Variants in CLSTN2 observed in about 807,000 individuals in gnomAD.
The protein encoded by CLSTN2 is calsyntenin-2.
Under a neutral mutation model 101.2 loss-of-function variants are expected in CLSTN2, and 48 were observed. That is an observed-to-expected ratio of 0.47 (90% CI 0.38 to 0.60). CLSTN2 has a LOEUF of 0.60. Among genes scored for constraint, CLSTN2 ranks in the 20% least tolerant of loss-of-function variants. CLSTN2 has a pLI of 0.00. For missense variants in CLSTN2, 1,160 were observed against 1,238.2 expected (o/e 0.94, Z 0.95); for synonymous variants, 481 against 463.6 (o/e 1.04, Z -0.48).
chr3:139,960,610 T>C (rs911731400), intron 1 of CLSTN2, among the ~76,000 whole-genome samples: 11 of 152,232 alleles, frequency 7.2e-5, no homozygotes, highest in Non-Finnish European at 1.3e-4. Flanking sequence ...CCTTTCCTTC[T>C]CTGCCTTCCA....
At chr3:140,112,782 C>A (rs1399474102) in intron 1 of CLSTN2, among the ~76,000 whole-genome samples, 1 of 152,074 alleles carries the variant, frequency 6.6e-6, no homozygotes, top group Admixed American at 6.5e-5. Flanking sequence ...GAGCTCTAGG[C>A]AAATCCTGCT....
intron 8 of CLSTN2, among the ~76,000 whole-genome samples, chr3:140,504,336 A>C (rs1934641810): frequency 6.6e-6 from 1 of 151,900 alleles, no homozygotes; most frequent in Non-Finnish European, 1.5e-5. Context: ...CTAATATTAT[A>C]TACGATTCAA....
chr3:140,240,765 G>A (rs2086460702), intron 2 of CLSTN2, among the ~76,000 whole-genome samples: 1 of 152,202 alleles, frequency 6.6e-6, no homozygotes, highest in Admixed American at 6.5e-5. Flanking sequence ...AACTTTGAGA[G>A]ACTGAAGCAA....
At chr3:140,451,973 G>A (rs1381648227) in intron 6 of CLSTN2, among the ~76,000 whole-genome samples, 4 of 152,170 alleles carry the variant, frequency 2.6e-5, no homozygotes, top group African/African-American at 9.7e-5. Flanking sequence ...GGAATGGCAG[G>A]AAAAATGAAT....
At chr3:140,161,362 C>T (rs1423123469) in intron 1 of CLSTN2, among the ~76,000 whole-genome samples, 1 of 152,096 alleles carries the variant, frequency 6.6e-6, no homozygotes, top group Non-Finnish European at 1.5e-5. Context: ...ATTTTTATGG[C>T]AGTTTCTCCA....
chr3:140,096,957 C>G (rs77034187), intron 1 of CLSTN2, among the ~76,000 whole-genome samples: 3,392 of 152,266 alleles, frequency 0.022, 137 homozygotes, highest in African/African-American at 0.076. Flanking sequence ...GCCATTAACT[C>G]TGAGTGGGCA....
intron 2 of CLSTN2, among the ~76,000 whole-genome samples, chr3:140,296,180 T>A (rs77993164): frequency 1.1e-3 from 160 of 152,356 alleles, no homozygotes; most frequent in Non-Finnish European, 2.1e-3. Context: ...ACCACCTTCC[T>A]CATTGCTCTT....
At chr3:140,121,872 A>C (rs1048686249) in intron 1 of CLSTN2, among the ~76,000 whole-genome samples, 2 of 152,154 alleles carry the variant, frequency 1.3e-5, no homozygotes, top group Admixed American at 1.3e-4. Context: ...CTACGCTGCC[A>C]ACACAGGAAC....
intron 2 of CLSTN2, among the ~76,000 whole-genome samples, chr3:140,353,242 CATATATATATAT>C (rs34831776): frequency 6.8e-6 from 1 of 146,768 alleles, no homozygotes; most frequent in East Asian, 2.0e-4. Context: ...TATGTTTACA[CATATATATATAT>C]ATATATATAT....
chr3:140,229,191 C>T (rs1441248233), intron 2 of CLSTN2, among the ~76,000 whole-genome samples: 1 of 152,150 alleles, frequency 6.6e-6, no homozygotes, highest in African/African-American at 2.4e-5. Flanking sequence ...GAACTAGCCA[C>T]CTATCCATAT....
intron 1 of CLSTN2, among the ~76,000 whole-genome samples, chr3:139,982,988 G>GCA (rs1935957358): frequency 6.7e-6 from 1 of 149,160 alleles, no homozygotes; most frequent in Non-Finnish European, 1.5e-5. Context: ...TATATATAGT[G>GCA]TATATATATA....
intron 1 of CLSTN2, among the ~76,000 whole-genome samples, chr3:140,029,385 T>G (rs1259914988): frequency 6.6e-6 from 1 of 152,240 alleles, no homozygotes; most frequent in Non-Finnish European, 1.5e-5. Flanking sequence ...ACATATGGTA[T>G]GTATATGTTC....
chr3:140,356,485 C>T (rs556894386), intron 2 of CLSTN2, among the ~76,000 whole-genome samples: 45 of 152,134 alleles, frequency 3.0e-4, no homozygotes, highest in East Asian at 7.7e-4. Flanking sequence ...CAGGGCTGGG[C>T]GCGGTGGCTC....
rs1239135265 is a variant in CLSTN2, at chr3:140,490,828, C to G, written c.1344+24097C>G. On this transcript the variant is annotated intron_variant, in intron 8 of 16. Coordinates refer to ENST00000458420, the MANE Select transcript of CLSTN2 (RefSeq NM_022131.3). ...CCTGCCCAGCTGTGATGTCTAGTAC[C>G]TGCCCACATGTAGCCAGGAAGCATT... Among the ~76,000 whole-genome samples the G allele has an allele frequency of 3.3e-5, 5 of 152,180 alleles. No homozygotes were observed. In the East Asian group the frequency reaches 9.7e-4, roughly 29 times the overall value.
intron 2 of CLSTN2, among the ~76,000 whole-genome samples, chr3:140,327,205 T>C (rs1395361179): frequency 6.6e-6 from 1 of 152,120 alleles, no homozygotes; most frequent in African/African-American, 2.4e-5. Context: ...AACAGAATCA[T>C]TAGAATTGAA....
intron 1 of CLSTN2, among the ~76,000 whole-genome samples, chr3:140,145,419 T>G (rs532059448): frequency 1.2e-4 from 19 of 152,360 alleles, no homozygotes; most frequent in Admixed American, 1.0e-3. Context: ...CCGGCACACA[T>G]GGGCACTGTA....
At chr3:140,136,306 C>T (rs2009615017) in intron 1 of CLSTN2, among the ~76,000 whole-genome samples, 1 of 152,178 alleles carries the variant, frequency 6.6e-6, no homozygotes, top group South Asian at 2.1e-4. Context: ...GCAAACTTAA[C>T]TCCACCTCTT....
chr3:140,295,808 G>A (rs1026073667), intron 2 of CLSTN2, among the ~76,000 whole-genome samples: 6 of 152,120 alleles, frequency 3.9e-5, no homozygotes, highest in African/African-American at 1.4e-4. Flanking sequence ...ATCTTCAAAT[G>A]TATCAGTAAA....
chr3:140,252,776 G>C, intron 2 of CLSTN2, among the ~76,000 whole-genome samples: 1 of 152,220 alleles, frequency 6.6e-6, no homozygotes, highest in South Asian at 2.1e-4. Flanking sequence ...GGCGCATGAT[G>C]CATCTTACTG....
Sources: allele counts gnomAD v4.1 joint callset (sites outside exome capture counted in the v4.1 genomes callset), GRCh38; gene constraint gnomAD v4.1.1; transcripts MANE v1.5; gene names NCBI Gene and HGNC (gene_info 2026-07-23, HGNC 2026-07-21).